Variants in RALGPS1 observed in about 807,000 individuals in gnomAD.
The protein encoded by RALGPS1 is Ral GEF with PH domain and SH3 binding motif 1, also known as ras-specific guanine nucleotide-releasing factor RalGPS1.
A neutral mutation model predicts 78.8 loss-of-function variants in RALGPS1; 19 were observed. The ratio of observed to expected loss-of-function variants is 0.24; its 90% confidence interval spans 0.17 to 0.35. The LOEUF (loss-of-function observed/expected upper bound fraction) is 0.35. Ranked by LOEUF, RALGPS1 falls within the 10% of genes least tolerant of loss-of-function variation. The pLI is 1.00. For missense variants in RALGPS1, 454 were observed against 688.3 expected (o/e 0.66, Z 3.81); for synonymous variants, 228 against 256.3 (o/e 0.89, Z 1.06).
chr9:127,209,543 T>C (rs1305221964), intron 14 of RALGPS1, among the ~76,000 whole-genome samples: 3 of 152,082 alleles, frequency 2.0e-5, no homozygotes, highest in Non-Finnish European at 4.4e-5. Context: ...TGACACCCGT[T>C]AGGTTAGAGG....
chr9:126,982,379 C>G lies in RALGPS1; in HGVS notation c.216+4634C>G, dbSNP rs528293184. ...ACCTTGGGTAAGTCACGTCACCTCT[C>G]TAAGTTTTGGTTTCCTCATTCATAG... On this transcript the variant is annotated intron_variant, in intron 4 of 18. Coordinates refer to ENST00000259351, the MANE Select transcript of RALGPS1 (RefSeq NM_014636.3). Among the ~76,000 whole-genome samples the G allele has an allele frequency of 7.2e-4, 110 of 152,272 alleles. 1 individual carries two copies. The highest frequency in any genetic ancestry group is 2.5e-3 in the African/African-American group (104 of 41,548).
intron 8 of RALGPS1, among the ~76,000 whole-genome samples, chr9:127,132,813 G>T (rs897222130): frequency 3.2e-4 from 48 of 152,276 alleles, no homozygotes; most frequent in African/African-American, 1.1e-3. Context: ...TATCCAAAGT[G>T]CCTGCCATAT....
At chr9:127,170,139 G>C (rs1236960858) in intron 10 of RALGPS1, among the ~76,000 whole-genome samples, 1 of 152,100 alleles carries the variant, frequency 6.6e-6, no homozygotes, top group Non-Finnish European at 1.5e-5. Context: ...CTAAGTTCGT[G>C]AAAACTGTAG....
At chr9:127,048,164 C>T (rs555472857) in intron 5 of RALGPS1, among the ~76,000 whole-genome samples, 84 of 152,246 alleles carry the variant, frequency 5.5e-4, no homozygotes, top group African/African-American at 1.9e-3. Context: ...CTCCTCACCA[C>T]ACACCCAATC....
rs138066689 is a variant in RALGPS1, at chr9:126,963,595, T to C, written c.57+1249T>C. ...CCAACATAGCCCCATAATTTGTTGC[T>C]TACTATATACCAGGCACTTTTTTGC... On this transcript the variant is annotated intron_variant, in intron 2 of 18. Coordinates refer to ENST00000259351, the MANE Select transcript of RALGPS1 (RefSeq NM_014636.3). 9.8e-5 allele frequency among the ~76,000 whole-genome samples: 15 copies of C among 152,358 alleles called. No individual in the cohort carries two copies. In the East Asian group the frequency reaches 2.7e-3, roughly 27 times the overall value.
In RALGPS1 at chr9:127,211,991, G is replaced by C; in HGVS notation, c.1248-140G>C. On this transcript the variant is annotated intron_variant, in intron 14 of 18. Coordinates refer to ENST00000259351, the MANE Select transcript of RALGPS1 (RefSeq NM_014636.3). The surrounding 1 kb of genome is among the most constrained non-coding windows in gnomAD (Gnocchi z 5.0). The stretch of plus-strand genomic sequence containing the variant: ...GCGTTATCACCTGGCCCTCCCCTCC[G>C]GGCCTTGCTCTGCGCCGTTAAGTCT... 1.6e-6 allele frequency: 1 copy of C among 625,706 alleles called. No homozygotes were observed. Among genetic ancestry groups the C allele is most frequent in the East Asian group, 2.9e-5 (1 of 34,074 alleles). The allele number at this position is 625,706 out of a possible 1,614,324, so 38.8% of individuals were successfully genotyped here. A position where few individuals can be genotyped will look rare whatever the true frequency, so the allele number is the denominator to read the frequency against.
At chr9:127,048,406 A>G (rs1031205895) in intron 5 of RALGPS1, among the ~76,000 whole-genome samples, 10 of 152,198 alleles carry the variant, frequency 6.6e-5, no homozygotes, top group African/African-American at 1.9e-4. Context: ...AACTTCTTCC[A>G]TGGCCACTAT....
rs1386241206 is a variant in RALGPS1 at position 127,091,916 on chromosome 9, C to T, written c.610+22560C>T. ...ATGTTCTCCAGGCCCAGCCAGTATTCGCCGTCAATGTTCCCAAACCCTTGC... is the reference window on the plus strand; with the variant it reads ...ATGTTCTCCAGGCCCAGCCAGTATTTGCCGTCAATGTTCCCAAACCCTTGC... On this transcript the variant is annotated intron_variant, in intron 8 of 18. Transcript: ENST00000259351. The surrounding 1 kb of genome is among the most constrained non-coding windows in gnomAD (Gnocchi z 4.3). The T allele has an allele frequency of 7.4e-6, 12 of 1,614,058 alleles. No individual in the cohort carries two copies. Among genetic ancestry groups the T allele is most frequent in the South Asian group, 1.1e-5 (1 of 91,054 alleles).
At chr9:127,010,426 CAAA>C (rs1372394610) in intron 4 of RALGPS1, among the ~76,000 whole-genome samples, 1 of 152,180 alleles carries the variant, frequency 6.6e-6, no homozygotes, top group African/African-American at 2.4e-5. Flanking sequence ...TCATGTCATT[CAAA>C]ATGACTGCCT....
In RALGPS1 at chr9:127,205,311, G is replaced by A. The variant is rs1306639743; in HGVS notation, c.1247+6245G>A. 6.6e-6 allele frequency among the ~76,000 whole-genome samples: 1 copy of A among 152,214 alleles called. No individual in the cohort carries two copies. Reference sequence around the variant, plus strand: ...GTTCTCTTCACCAAATGTCCTCTGGGTGGCAGCCCAGTTAGAAAATTTGCC... The same window carrying A: ...GTTCTCTTCACCAAATGTCCTCTGGATGGCAGCCCAGTTAGAAAATTTGCC... On this transcript the variant is annotated intron_variant, in intron 14 of 18. Transcript: ENST00000259351. This position sits in a 1 kb window ranked among gnomAD's most constrained non-coding sequence, Gnocchi z 4.0.
At chr9:127,189,231 T>C (rs2060884810) in intron 11 of RALGPS1, among the ~76,000 whole-genome samples, 1 of 152,066 alleles carries the variant, frequency 6.6e-6, no homozygotes. Flanking sequence ...AGGTTTTATT[T>C]CTCATTCATC....
chr9:126,955,380 A>G (rs144448617), intron 1 of RALGPS1, among the ~76,000 whole-genome samples: 408 of 152,300 alleles, frequency 2.7e-3, no homozygotes, highest in African/African-American at 9.3e-3. Flanking sequence ...TTATTAATAT[A>G]GACAGTGAAC....
intron 8 of RALGPS1, among the ~76,000 whole-genome samples, chr9:127,121,037 G>T (rs1306335992): frequency 6.6e-6 from 1 of 152,106 alleles, no homozygotes; most frequent in Non-Finnish European, 1.5e-5. Flanking sequence ...CACACCACTG[G>T]GTTCAAGTCC....
chr9:127,143,523 A>T (rs1416381659), intron 8 of RALGPS1, among the ~76,000 whole-genome samples: 6 of 152,210 alleles, frequency 3.9e-5, no homozygotes, highest in African/African-American at 4.8e-5. Context: ...TACCCTCCAG[A>T]CATGAAGCCC....
At chr9:126,983,552 T>C (rs1343718431) in intron 4 of RALGPS1, among the ~76,000 whole-genome samples, 2 of 152,180 alleles carry the variant, frequency 1.3e-5, no homozygotes, top group Non-Finnish European at 2.9e-5. Flanking sequence ...TAGGATCAAA[T>C]TGGGGGAATT....
intron 14 of RALGPS1, among the ~76,000 whole-genome samples, chr9:127,204,732 C>T (rs1034679222): frequency 1.3e-5 from 2 of 152,130 alleles, no homozygotes. Context: ...TTTACCTGTT[C>T]GTTTTAGCTG....
chr9:127,199,126 G>C (rs372365241), intron 14 of RALGPS1, 60 bp downstream of exon 14: 2 of 1,520,260 alleles, frequency 1.3e-6, no homozygotes, highest in African/African-American at 2.7e-5. Context: ...TGAGGGAGCC[G>C]AAGACAGGCC....
At chr9:127,019,181 A>G (rs2045198511) in intron 4 of RALGPS1, among the ~76,000 whole-genome samples, 1 of 152,210 alleles carries the variant, frequency 6.6e-6, no homozygotes, top group Non-Finnish European at 1.5e-5. Flanking sequence ...TGAATGTACC[A>G]TCTCAGGAGA....
chr9:127,133,503 C>A (rs1011237093), intron 8 of RALGPS1, among the ~76,000 whole-genome samples: 1 of 152,220 alleles, frequency 6.6e-6, no homozygotes, highest in Non-Finnish European at 1.5e-5. Flanking sequence ...CCCCTTTCTG[C>A]TACCTGCCAG....
Sources: allele counts gnomAD v4.1 joint callset (sites outside exome capture counted in the v4.1 genomes callset), GRCh38; gene constraint gnomAD v4.1.1; non-coding constraint Gnocchi (gnomAD v3.1); transcripts MANE v1.5; gene names NCBI Gene and HGNC (gene_info 2026-07-23, HGNC 2026-07-21).